Variants in ARHGEF10 observed in about 807,000 individuals in gnomAD.
ARHGEF10 encodes Rho guanine nucleotide exchange factor 10.
Under a neutral mutation model 147.4 loss-of-function variants are expected in ARHGEF10, and 140 were observed. The observed-to-expected ratio is 0.95, with a 90% CI of 0.83 to 1.09. The LOEUF is 1.09. Ranked by LOEUF, ARHGEF10 falls within the 50% of genes least tolerant of loss-of-function variation. The pLI, the probability that ARHGEF10 is intolerant of heterozygous loss-of-function variation, is 0.00. For synonymous variants in ARHGEF10, 902 were observed against 695.8 expected (o/e 1.30, Z -4.67); for missense variants, 2,222 against 1,752.7 (o/e 1.27, Z -4.78).
At chr8:1,827,715 T>C (rs1398321196) in intron 1 of ARHGEF10, among the ~76,000 whole-genome samples, 2 of 152,210 alleles carry the variant, frequency 1.3e-5, no homozygotes, top group Non-Finnish European at 2.9e-5. Context: ...GAAAGTGCTA[T>C]ATGGGGGTTG....
chr8:1,925,674 T>C (rs1812636844), intron 22 of ARHGEF10, among the ~76,000 whole-genome samples: 1 of 152,256 alleles, frequency 6.6e-6, no homozygotes, highest in Admixed American at 6.5e-5. Context: ...GCCTTGTTAG[T>C]TAAAGAGGGG....
chr8:1,945,844 G>A (rs923692150), intron 27 of ARHGEF10, 189 bp downstream of exon 27: 10 of 921,022 alleles, frequency 1.1e-5, no homozygotes, highest in Non-Finnish European at 1.7e-5. Flanking sequence ...GCCCACTTTA[G>A]CGCTTCCCGG....
chr8:1,838,985 G>A (rs550431172), intron 1 of ARHGEF10, among the ~76,000 whole-genome samples: 5 of 150,844 alleles, frequency 3.3e-5, no homozygotes, highest in African/African-American at 4.9e-5. Flanking sequence ...ACTCTCTGGC[G>A]TGGGGGCCAT....
At chr8:1,921,630 G>T (rs941534335) in intron 18 of ARHGEF10, among the ~76,000 whole-genome samples, 1 of 152,164 alleles carries the variant, frequency 6.6e-6, no homozygotes, top group Non-Finnish European at 1.5e-5. Context: ...GCTTATTCGG[G>T]AGGCTGAGGC....
intron 14 of ARHGEF10, among the ~76,000 whole-genome samples, chr8:1,897,513 G>C: frequency 6.7e-6 from 1 of 149,252 alleles, no homozygotes; most frequent in East Asian, 2.0e-4. Flanking sequence ...ACAGCTGTGG[G>C]CTCTGTCCTA....
chr8:1,921,323 A>G (rs115417763), intron 18 of ARHGEF10, among the ~76,000 whole-genome samples: 3,758 of 152,286 alleles, frequency 0.025, 159 homozygotes, highest in African/African-American at 0.086. Context: ...TTCAGTTTTG[A>G]CATATATATG....
At chr8:1,863,822 C>T (rs1345819871) in intron 4 of ARHGEF10, among the ~76,000 whole-genome samples, 2 of 152,044 alleles carry the variant, frequency 1.3e-5, no homozygotes, top group Non-Finnish European at 2.9e-5. Flanking sequence ...GAGGAATCGT[C>T]AGGCGGGTCG....
Position 1,945,591 on chromosome 8 carries a change from C to G in ARHGEF10, c.3333C>G (p.His1111Gln). The G allele has an allele frequency of 6.2e-7, 1 of 1,614,254 alleles. No homozygotes were observed. The highest frequency in any genetic ancestry group is 8.5e-7 in the Non-Finnish European group (1 of 1,180,048). ...FTSGSTLRLF[H>Q]TETLKHLQDI... ...CAGGGTCCACGCTCCGCCTTTTTCA[C>G]ACGGAAACTCTCAAGCACCTGCAGG... The change falls in exon 27 of 29, where the codon CAC (histidine) becomes CAG (glutamine). Residue 1111 changes from histidine (H) to glutamine (Q), a missense_variant. By Grantham distance (24) the His-to-Gln change is conservative. Coordinates refer to ENST00000349830, the MANE Select transcript of ARHGEF10 (RefSeq NM_014629.4).
intron 25 of ARHGEF10, among the ~76,000 whole-genome samples, chr8:1,929,810 C>T (rs949616391): frequency 6.6e-6 from 1 of 152,202 alleles, no homozygotes; most frequent in Admixed American, 6.5e-5. Context: ...CCTGGGCCAG[C>T]CCTCTTTGCC....
At chr8:1,837,296 G>A (rs1803644248) in intron 1 of ARHGEF10, among the ~76,000 whole-genome samples, 1 of 152,240 alleles carries the variant, frequency 6.6e-6, no homozygotes, top group Admixed American at 6.5e-5. Flanking sequence ...GGGCTGCCCT[G>A]CAGACTTGCA....
chr8:1,838,845 G>A (rs956416470), intron 1 of ARHGEF10, among the ~76,000 whole-genome samples: 6 of 152,338 alleles, frequency 3.9e-5, no homozygotes, highest in Non-Finnish European at 5.9e-5. Context: ...GTCTGGCATG[G>A]AAGCTGTCTG....
At chr8:1,887,384 G>T (rs1310075393) in intron 11 of ARHGEF10, among the ~76,000 whole-genome samples, 1 of 152,180 alleles carries the variant, frequency 6.6e-6, no homozygotes, top group East Asian at 1.9e-4. Context: ...GGCAGGATGC[G>T]GGGGTGAGTG....
intron 18 of ARHGEF10, among the ~76,000 whole-genome samples, chr8:1,922,112 G>C (rs540903906): frequency 2.6e-5 from 4 of 152,146 alleles, no homozygotes; most frequent in African/African-American, 9.6e-5. Context: ...TGGGCCCGTC[G>C]TGGGATTTAG....
At chr8:1,843,802 A>G (rs1804284100) in intron 2 of ARHGEF10, among the ~76,000 whole-genome samples, 1 of 152,212 alleles carries the variant, frequency 6.6e-6, no homozygotes. Context: ...CTTAAAGCTC[A>G]GCTCGCCCAT....
intron 15 of ARHGEF10, among the ~76,000 whole-genome samples, chr8:1,901,869 T>C (rs1426543869): frequency 2.6e-5 from 4 of 152,264 alleles, no homozygotes; most frequent in Non-Finnish European, 4.4e-5. Flanking sequence ...TAATCATTTA[T>C]GCAATGTCCT....
chr8:1,904,187 G>T (rs1413850655), intron 16 of ARHGEF10: 1 of 152,238 alleles, frequency 6.6e-6, no homozygotes, highest in Non-Finnish European at 1.5e-5. Context: ...GGACCCAGAA[G>T]GCGGCAGTTC....
At position 1,830,627 on chromosome 8, in the gene ARHGEF10, G is replaced by A. The variant is rs546705485; in HGVS notation, c.-48+6514G>A. 3.3e-5 allele frequency among the ~76,000 whole-genome samples: 5 copies of A among 152,222 alleles called. No homozygotes were observed. In the East Asian group the frequency reaches 9.6e-4, roughly 29 times the overall value. On this transcript the variant is annotated intron_variant, in intron 1 of 28. Transcript: ENST00000349830. ...CGTGCTAAGTACTAAGTGCTCTCAC[G>A]CCCCAAGGCAGGGTGTGAACCGCAG...
At chr8:1,930,568 T>C (rs1197293707) in intron 25 of ARHGEF10, among the ~76,000 whole-genome samples, 1 of 152,032 alleles carries the variant, frequency 6.6e-6, no homozygotes, top group Non-Finnish European at 1.5e-5. Context: ...CAGTCCTTGT[T>C]CCTTGCTCAC....
chr8:1,948,076 C>T lies in ARHGEF10; in HGVS notation c.3397+2421C>T, dbSNP rs536176104. ...GCTGGGCGCTGAGCCTTCCTTGGGA[C>T]TTTTCACCCTTCAGCTCATAGTTTC... On this transcript the variant is annotated intron_variant, in intron 27 of 28. Coordinates refer to ENST00000349830, the MANE Select transcript of ARHGEF10 (RefSeq NM_014629.4). This position sits in a 1 kb window ranked among gnomAD's most constrained non-coding sequence, Gnocchi z 4.9. Among the ~76,000 whole-genome samples the T allele has an allele frequency of 1.7e-3, 252 of 152,156 alleles. No homozygotes were observed. The highest frequency in any genetic ancestry group is 2.7e-3 in the Non-Finnish European group (181 of 68,014).
Sources: allele counts gnomAD v4.1 joint callset (sites outside exome capture counted in the v4.1 genomes callset), GRCh38; gene constraint gnomAD v4.1.1; non-coding constraint Gnocchi (gnomAD v3.1); transcripts MANE v1.5; gene names NCBI Gene and HGNC (gene_info 2026-07-23, HGNC 2026-07-21).